ZNF846: variants seen among roughly 807,000 people sequenced by gnomAD.
ZNF846 encodes the protein zinc finger protein 420 pseudogene.
In ZNF846, 15 loss-of-function variants were observed where a neutral mutation model predicts 16.0. That is an observed-to-expected ratio of 0.94 (90% confidence interval 0.63 to 1.45). The LOEUF is 1.45. ZNF846 is among the 40% of genes most tolerant of loss of function. The probability of loss-of-function intolerance (pLI) is 0.00; values close to 1 mark genes in which losing one functional copy is unlikely to be tolerated. For synonymous variants in ZNF846, 229 were observed against 212.0 expected (o/e 1.08, Z -0.70); for missense variants, 714 against 622.3 (o/e 1.15, Z -1.57).
At chr19:9,775,503 T>TG (rs1159277088) in intron 1 of ZNF846, among the ~76,000 whole-genome samples, 1 of 152,130 alleles carries the variant, frequency 6.6e-6, no homozygotes, top group Non-Finnish European at 1.5e-5. Flanking sequence ...TCAGATCAAT[T>TG]GGGGCAAAAA....
At chr19:9,756,382 T>TATATATATATAC (rs1411472302), downstream of ZNF846, 18 of 119,516 alleles carry the variant, frequency 1.5e-4, no homozygotes, top group African/African-American at 4.9e-4. Flanking sequence ...TATATATATA[T>TATATATATATAC]ATAAAGACAT....
intron 1 of ZNF846, among the ~76,000 whole-genome samples, chr19:9,775,193 A>ATATGTG (rs144403603): frequency 1.3e-5 from 2 of 149,522 alleles, no homozygotes; most frequent in East Asian, 2.0e-4. Context: ...GTGTATATAT[A>ATATGTG]TGTGTGTGTG....
exon 6 of ZNF846, chr19:9,758,154 T>G (rs769523548): frequency 6.2e-7 from 1 of 1,613,552 alleles, no homozygotes; most frequent in Non-Finnish European, 8.5e-7. Flanking sequence ...TACATAGGGC[T>G]TCTTTCCACT....
At chr19:9,777,345 C>G (rs955985027) in intron 1 of ZNF846, among the ~76,000 whole-genome samples, 1 of 151,282 alleles carries the variant, frequency 6.6e-6, no homozygotes, top group African/African-American at 2.4e-5. Flanking sequence ...ACAAACAAAC[C>G]AAAAGAAAAT....
chr19:9,766,406 C>G (rs973473894), intron 1 of ZNF846, among the ~76,000 whole-genome samples: 1 of 130,844 alleles, frequency 7.6e-6, no homozygotes, highest in Non-Finnish European at 1.5e-5. Flanking sequence ...GAGCAAGACT[C>G]TGTCACAAAA....
At chr19:9,766,178 G>A (rs2045312757) in intron 1 of ZNF846, among the ~76,000 whole-genome samples, 1 of 152,062 alleles carries the variant, frequency 6.6e-6, no homozygotes, top group South Asian at 2.1e-4. Context: ...CCGGCACTTT[G>A]GGAGGCCGAG....
intron 1 of ZNF846, among the ~76,000 whole-genome samples, chr19:9,783,950 G>A (rs903756227): frequency 3.3e-5 from 5 of 152,092 alleles, no homozygotes; most frequent in African/African-American, 4.8e-5. Flanking sequence ...CGATCTGCCC[G>A]CTTCGGCCTC....
At chr19:9,771,680 A>AT (rs2145287230), upstream of ZNF846, among the ~76,000 whole-genome samples, 1 of 151,848 alleles carries the variant, frequency 6.6e-6, no homozygotes, top group South Asian at 2.1e-4. Flanking sequence ...CATTTTTGTT[A>AT]TCCCCTTATT....
At chr19:9,786,025 A>T (rs901984909) in exon 1 of ZNF846, 5 of 151,654 alleles carry the variant, frequency 3.3e-5, no homozygotes, top group African/African-American at 7.3e-5. Flanking sequence ...CGCACTTCTG[A>T]TTCCGCTCCA....
At chr19:9,758,291 A>G (rs1321990933) in exon 6 of ZNF846, 2 of 1,613,204 alleles carry the variant, frequency 1.2e-6, no homozygotes, top group South Asian at 2.2e-5. Flanking sequence ...ATTGAGTGAA[A>G]GCTTTACCAC....
At chr19:9,753,705 T>A (rs988776082), downstream of ZNF846, among the ~76,000 whole-genome samples, 2 of 151,870 alleles carry the variant, frequency 1.3e-5, no homozygotes, top group Admixed American at 6.5e-5. Flanking sequence ...CAATAAAATG[T>A]ATTTGTGAAT....
At chr19:9,758,813 T>TA in intron 5 of ZNF846, 49 bp from the exon 6 acceptor site, 3 of 1,407,846 alleles carry the variant, frequency 2.1e-6, no homozygotes, top group Non-Finnish European at 2.9e-6. Flanking sequence ...TTCAGTATGG[T>TA]AACAGAATTT....
intron 1 of ZNF846, among the ~76,000 whole-genome samples, chr19:9,777,113 AAAG>A (rs141980135): frequency 0.028 from 4,199 of 151,522 alleles, 79 homozygotes; most frequent in Non-Finnish European, 0.043. Flanking sequence ...TCATTAAAAA[AAAG>A]AAGAAGAAGA....
chr19:9,753,369 A>G (rs534479723), downstream of ZNF846, among the ~76,000 whole-genome samples: 69 of 150,576 alleles, frequency 4.6e-4, 1 homozygote, highest in Admixed American at 7.9e-4. Flanking sequence ...CTCCTGCCTC[A>G]GCCTCCTGGA....
At chr19:9,784,244 C>G (rs2045535354) in intron 1 of ZNF846, among the ~76,000 whole-genome samples, 1 of 152,190 alleles carries the variant, frequency 6.6e-6, no homozygotes. Flanking sequence ...ATTTATTGAT[C>G]ACTTTCTCTA....
At chr19:9,752,614 C>CAAA (rs34675292), downstream of ZNF846, among the ~76,000 whole-genome samples, 16 of 91,338 alleles carry the variant, frequency 1.8e-4, no homozygotes, top group Non-Finnish European at 3.4e-4. Context: ...GACTTCATCC[C>CAAA]AAAAAAAAAA....
chr19:9,762,219 T>A (rs746398088), intron 3 of ZNF846, 51 bp from the exon 4 acceptor site: 2 of 1,377,812 alleles, frequency 1.5e-6, no homozygotes, highest in East Asian at 4.6e-5. Context: ...CATAACACCA[T>A]GTCCTTCAAT....
rs1232452645 is a variant in ZNF846, at chr19:9,766,774, C to T, written c.-86+1515G>A. 2.0e-5 allele frequency among the ~76,000 whole-genome samples: 3 copies of T among 151,858 alleles called. No homozygotes were observed. The East Asian group carries it at 5.9e-4, about 30-fold the overall frequency. ...AATTAGCTGGGCATGGTGGCATGCA[C>T]CTGTAGTTCCAGCTACTCGGGAGGC... On this transcript the variant is annotated intron_variant, in intron 1 of 5. Transcript: ENST00000397902.
chr19:9,773,269 C>T (rs1033126316), upstream of ZNF846, among the ~76,000 whole-genome samples: 5 of 152,108 alleles, frequency 3.3e-5, no homozygotes, highest in African/African-American at 1.2e-4. Flanking sequence ...TCAAGGGATC[C>T]TCCTTCCTCA....
Sources: allele counts gnomAD v4.1 joint callset (sites outside exome capture counted in the v4.1 genomes callset), GRCh38; gene constraint gnomAD v4.1.1; transcripts MANE v1.5; gene names NCBI Gene and HGNC (gene_info 2026-07-23, HGNC 2026-07-21).